The following CLEC4M variants were observed in gnomAD, a reference collection of about 807,000 sequenced individuals.
The protein encoded by CLEC4M is C-type lectin domain family 4 member M, also known as CD209 antigen-like protein 1.
Under a neutral mutation model 39.1 loss-of-function variants are expected in CLEC4M, and 25 were observed. The ratio of observed to expected loss-of-function variants is 0.64; its 90% CI spans 0.47 to 0.89. The LOEUF is 0.89. CLEC4M is among the 40% of genes least tolerant of loss of function. The pLI, the probability that CLEC4M is intolerant of heterozygous loss-of-function variation, is 0.00. For missense variants in CLEC4M, 353 were observed against 431.4 expected (o/e 0.82, Z 1.61); for synonymous variants, 155 against 177.4 (o/e 0.87, Z 1.00).
chr19:7,765,189 T>G lies in CLEC4M; in HGVS notation c.135T>G (p.Cys45Trp). 6.2e-7 allele frequency: 1 copy of G among 1,614,112 alleles called. No individual in the cohort carries two copies. The highest frequency in any genetic ancestry group is 8.5e-7 in the Non-Finnish European group (1 of 1,179,990). The change falls in exon 3 of 7, where the codon TGT (cysteine) becomes TGG (tryptophan). Residue 45 changes from cysteine to tryptophan, a missense_variant. This residue lies in a region of CLEC4M where 91 missense variants were observed against 77.8 expected (regional missense o/e 1.17). Coordinates refer to ENST00000327325, the MANE Select transcript of CLEC4M (RefSeq NM_014257.5). Reference protein sequence around the residue: ...QIHGHKSSTGCLGHGALVLQL... With the variant: ...QIHGHKSSTGWLGHGALVLQL... ...GACGCATGTATCCTCTCTCAGGGTG[T>G]CTTGGCCATGGCGCCCTGGTGCTGC... is the stretch of plus-strand genomic sequence containing the variant.
At chr19:7,767,459 G>A (rs1303898141) in intron 5 of CLEC4M, 57 bp from the exon 6 acceptor site, 4 of 1,362,012 alleles carry the variant, frequency 2.9e-6, no homozygotes, top group East Asian at 2.3e-5. Context: ...AGACGGGGAG[G>A]TGGAACCTGG....
Position 7,763,454 on chromosome 19 carries a change from A to T in CLEC4M, c.108A>T (p.Ile36=), listed in dbSNP as rs1251105076. The T allele has an allele frequency of 8.7e-6, 14 of 1,613,966 alleles. No homozygotes were observed. The Admixed American group carries it at 2.2e-4, about 25-fold the overall frequency. Residue 36 remains isoleucine (I), a synonymous_variant, in exon 2 of 7, where the codon ATA becomes ATT. Transcript: ENST00000327325. Reference sequence around the variant, plus strand: ...CAAGAGACTTTCAATTCCAGCAGATACATGGCCACAAGAGCTCTACAGGTA... The same window carrying T: ...CAAGAGACTTTCAATTCCAGCAGATTCATGGCCACAAGAGCTCTACAGGTA... ...LFPRDFQFQQ[I]HGHKSSTGCL... is the part of the protein sequence containing the mutation.
In CLEC4M at chr19:7,765,687, A is replaced by G. The variant is rs1826305; in HGVS notation, c.264A>G (p.Ala88=). The change falls in exon 4 of 7, where the codon GCA becomes GCG. Residue 88 remains alanine (A), a synonymous_variant. Transcript: ENST00000327325. ...GTCAGGAACAATCCGAGCAAGACGC[A>G]ATCTACCAGAACCTGACCCAGCTTA... The part of the protein sequence containing the change: ...SLSQEQSEQD[A]IYQNLTQLKA... 6.5e-5 allele frequency: 105 copies of G among 1,614,258 alleles called. No individual in the cohort carries two copies. Among genetic ancestry groups the G allele is most frequent in the South Asian group, 1.6e-4 (15 of 91,084 alleles).
In CLEC4M at chr19:7,767,639, G is replaced by A; in HGVS notation, c.1049+11G>A. The A allele has an allele frequency of 6.2e-7, 1 of 1,608,468 alleles. No homozygotes were observed. Among genetic ancestry groups the A allele is most frequent in the Non-Finnish European group, 8.5e-7 (1 of 1,174,872 alleles). ...ACCTCTGTCACCCAGGTAGATTCTG[G>A]GAGAAAGGGACACTGTATCCAGTCG... On this transcript the variant is annotated intron_variant, in intron 6 of 6. Transcript: ENST00000327325.
chr19:7,766,830 TC>T, intron 5 of CLEC4M, 23 bp downstream of exon 5: 1 of 1,614,106 alleles, frequency 6.2e-7, no homozygotes, highest in Non-Finnish European at 8.5e-7. Flanking sequence ...GGGGTCCTCG[TC>T]CTGGCCTGGG....
intron 2 of CLEC4M, among the ~76,000 whole-genome samples, chr19:7,764,355 C>T (rs1023484388): frequency 6.6e-6 from 1 of 152,108 alleles, no homozygotes; most frequent in Non-Finnish European, 1.5e-5. Flanking sequence ...GCCTAGTGAC[C>T]TTGCAGCTGC....
At chr19:7,765,524 A>G in intron 3 of CLEC4M, 114 bp from the exon 4 acceptor site, 3 of 1,504,478 alleles carry the variant, frequency 2.0e-6, no homozygotes, top group Non-Finnish European at 1.8e-6. Context: ...CTCATCTTCA[A>G]AGGGGATTAA....
intron 3 of CLEC4M, 96 bp downstream of exon 3, chr19:7,765,364 T>G: frequency 7.1e-7 from 1 of 1,413,016 alleles, no homozygotes; most frequent in South Asian, 1.2e-5. Flanking sequence ...GAGGTGGGAC[T>G]GAGAGCCAAG....
chr19:7,764,969 G>A (rs540745784), intron 2 of CLEC4M, among the ~76,000 whole-genome samples: 2 of 152,076 alleles, frequency 1.3e-5, no homozygotes, highest in Admixed American at 1.3e-4. Flanking sequence ...TGGGGGTTGG[G>A]ACCTAAACTC....
At chr19:7,767,424 C>A in intron 5 of CLEC4M, 92 bp from the exon 6 acceptor site, 1 of 983,946 alleles carries the variant, frequency 1.0e-6, no homozygotes, top group Non-Finnish European at 1.6e-6. Flanking sequence ...TGCAGGTTAA[C>A]TTGAAAGCAG....
At chr19:7,764,287 G>A (rs1055098077) in intron 2 of CLEC4M, among the ~76,000 whole-genome samples, 1 of 151,906 alleles carries the variant, frequency 6.6e-6, no homozygotes, top group African/African-American at 2.4e-5. Flanking sequence ...ATTGAGACAT[G>A]CATTACGTCA....
At position 7,766,783 on chromosome 19, in the gene CLEC4M, C is replaced by G; in HGVS notation, c.912C>G (p.Val304=). 1 of 1,614,158 alleles carries G rather than the reference C, an allele frequency of 6.2e-7. No homozygotes were observed. The highest frequency in any genetic ancestry group is 8.5e-7 in the Non-Finnish European group (1 of 1,180,026). The stretch of plus-strand genomic sequence containing the variant: ...GCCAGGAAGTGAGGGCCCAGCTCGT[C>G]GTAATCAAAACTGCTGAGGAGCAGG... The part of the protein sequence containing the change: ...TACQEVRAQL[V]VIKTAEEQNF... Residue 304 remains valine (V), a synonymous_variant, in exon 5 of 7, where the codon GTC becomes GTG. Coordinates refer to ENST00000327325, the MANE Select transcript of CLEC4M (RefSeq NM_014257.5).
At chr19:7,763,941 C>A (rs1219086543) in intron 2 of CLEC4M, among the ~76,000 whole-genome samples, 1 of 151,280 alleles carries the variant, frequency 6.6e-6, no homozygotes, top group Non-Finnish European at 1.5e-5. Context: ...ATTCGTGGGT[C>A]CTGGGGAGGT....
chr19:7,763,257 G>A lies in CLEC4M; in HGVS notation c.-10G>A. The A allele has an allele frequency of 6.3e-7, 1 of 1,591,114 alleles. No individual in the cohort carries two copies. Among genetic ancestry groups the A allele is most frequent in the Non-Finnish European group, 8.5e-7 (1 of 1,170,392 alleles). Reference sequence around the variant, plus strand: ...CAGGAGTCCTGAACATCTGGGGACAGCGGGAAAACATGAGTGACTCCAAGG... The same window carrying A: ...CAGGAGTCCTGAACATCTGGGGACAACGGGAAAACATGAGTGACTCCAAGG... On this transcript the variant is annotated 5_prime_UTR_variant, in exon 1 of 7. Transcript: ENST00000327325.
At chr19:7,765,346 C>G (rs1444142380) in intron 3 of CLEC4M, 78 bp downstream of exon 3, 1 of 1,522,338 alleles carries the variant, frequency 6.6e-7, no homozygotes, top group African/African-American at 1.4e-5. Context: ...GTGGCCAGGT[C>G]TGGGAGGGAG....
intron 5 of CLEC4M, 185 bp downstream of exon 5, chr19:7,766,992 G>T (rs1253424946): frequency 2.9e-6 from 3 of 1,047,010 alleles, no homozygotes; most frequent in Non-Finnish European, 4.0e-6. Context: ...CTGAACACAT[G>T]TGAATATTTG....
At position 7,765,244 on chromosome 19, in the gene CLEC4M, G is replaced by A; in HGVS notation, c.190G>A (p.Val64Ile). 2 of 1,613,956 alleles carry A rather than the reference G, an allele frequency of 1.2e-6. No homozygotes were observed. The highest frequency in any genetic ancestry group is 1.7e-6 in the Non-Finnish European group (2 of 1,179,862). ...CCTCTCCTTCATGCTCTTGGCTGGG[G>A]TCCTGGTGGCCATCCTTGTCCAAGG... is the stretch of plus-strand genomic sequence containing the variant. ...QLLSFMLLAG[V>I]LVAILVQVSK... The change falls in exon 3 of 7, where the codon GTC becomes ATC. Residue 64 changes from valine to isoleucine, a missense_variant. Physicochemically the swap from Val to Ile is conservative, Grantham distance 29. Around this residue, in one of 4 missense-constraint regions of CLEC4M, gnomAD observed 91 missense variants for 77.8 expected, o/e 1.17. Transcript: ENST00000327325.
rs753084254 is a variant in CLEC4M, at chr19:7,765,813, C to T, written c.390C>T (p.Ser130=). Residue 130 remains serine (S), a synonymous_variant, in exon 4 of 7, where the codon TCC becomes TCT. Transcript: ENST00000327325. Reference sequence around the variant, plus strand: ...CAGTGGGTGAGTTGCCAGAGAAATCCAAGCTGCAGGAGATCTACCAGGAGC... The same window carrying T: ...CAGTGGGTGAGTTGCCAGAGAAATCTAAGCTGCAGGAGATCTACCAGGAGC... ...KAAVGELPEK[S]KLQEIYQELT... The T allele has an allele frequency of 1.2e-5, 19 of 1,606,516 alleles. No homozygotes were observed. The highest frequency in any genetic ancestry group is 3.3e-4 in the Middle Eastern group (2 of 6,002).
rs747714418 is a variant in CLEC4M at position 7,767,577 on chromosome 19, T to C, written c.998T>C (p.Leu333Pro). 2 of 1,614,184 alleles carry C rather than the reference T, an allele frequency of 1.2e-6. No homozygotes were observed. The highest frequency in any genetic ancestry group is 1.7e-6 in the Non-Finnish European group (2 of 1,180,016). The change falls in exon 6 of 7, where the codon CTA becomes CCA. Residue 333 changes from leucine to proline, a missense_variant. Around this residue, in one of 4 missense-constraint regions of CLEC4M, gnomAD observed 196 missense variants for 211.7 expected, o/e 0.93. Transcript: ENST00000327325. ...NRFSWMGLSD[L>P]NQEGTWQWVD... is the part of the protein sequence containing the mutation. ...TTCTCCTGGATGGGACTTTCAGACC[T>C]AAATCAGGAAGGCACGTGGCAATGG...
Sources: allele counts gnomAD v4.1 joint callset (sites outside exome capture counted in the v4.1 genomes callset), GRCh38; gene constraint gnomAD v4.1.1; regional missense constraint gnomAD v4.1.1; transcripts MANE v1.5; gene names NCBI Gene and HGNC (gene_info 2026-07-23, HGNC 2026-07-21).